SAMMSON: variants seen among roughly 807,000 people sequenced by gnomAD.
SAMMSON encodes long intergenic non-protein coding RNA 1212.
At chr3:70,187,392 A>G (rs1354736975) in intron 4 of SAMMSON, among the ~76,000 whole-genome samples, 4 of 136,790 alleles carry the variant, frequency 2.9e-5, no homozygotes, top group Admixed American at 7.3e-5. Context: ...TGGTGGCCTT[A>G]TGAGACAGAG....
intron 4 of SAMMSON, among the ~76,000 whole-genome samples, chr3:70,135,527 C>G (rs2067502006): frequency 6.6e-6 from 1 of 152,104 alleles, no homozygotes; most frequent in South Asian, 2.1e-4. Context: ...AAAAAACAGA[C>G]AATGGGCATT....
chr3:70,294,657 ATAAAG>A lies in SAMMSON; in HGVS notation n.739+3418_739+3422del, dbSNP rs1036276098. Among the ~76,000 whole-genome samples, 114 of 152,318 alleles carry A rather than the reference ATAAAG, an allele frequency of 7.5e-4. 1 individual carries two copies. The highest frequency in any genetic ancestry group is 2.6e-3 in the African/African-American group (110 of 41,578). The stretch of plus-strand genomic sequence containing the variant: ...ACGTCAACTCAAACAGGCTCAAAAA[ATAAAG>A]TAATTTATGACTCATATATCCATTT... On this transcript the variant is annotated intron_variant and non_coding_transcript_variant, in intron 7 of 9. Coordinates refer to ENST00000642114, the Ensembl canonical transcript of SAMMSON.
chr3:70,163,342 A>AATATATAT (rs143014008), intron 4 of SAMMSON, among the ~76,000 whole-genome samples: 2 of 145,084 alleles, frequency 1.4e-5, no homozygotes, highest in South Asian at 2.2e-4. Context: ...ATCTATATAG[A>AATATATAT]ATATATATAT....
chr3:70,100,455 G>A (rs952988351), intron 4 of SAMMSON, among the ~76,000 whole-genome samples: 52 of 149,784 alleles, frequency 3.5e-4, no homozygotes, highest in Non-Finnish European at 7.1e-4. Flanking sequence ...GCCCATCATA[G>A]TCTTTCAAAC....
At chr3:70,402,210 C>G (rs952231880) in intron 2 of SAMMSON, among the ~76,000 whole-genome samples, 1 of 152,032 alleles carries the variant, frequency 6.6e-6, no homozygotes, top group Non-Finnish European at 1.5e-5. Context: ...TTATTTAATC[C>G]GGAGCAATAG....
chr3:70,323,987 G>A (rs1232293860), intron 7 of SAMMSON, among the ~76,000 whole-genome samples: 2 of 152,030 alleles, frequency 1.3e-5, no homozygotes, highest in African/African-American at 4.8e-5. Context: ...ATTCCAGCCT[G>A]TCCATGCCAT....
chr3:70,282,746 C>T (rs1702101543), intron 6 of SAMMSON, among the ~76,000 whole-genome samples: 1 of 152,172 alleles, frequency 6.6e-6, no homozygotes, highest in Non-Finnish European at 1.5e-5. Flanking sequence ...AGACTTACCA[C>T]AGACTTGTTA....
chr3:70,423,903 G>A (rs1575646492), intron 2 of SAMMSON, among the ~76,000 whole-genome samples: 3 of 152,132 alleles, frequency 2.0e-5, no homozygotes, highest in Admixed American at 6.5e-5. Flanking sequence ...GTGGAGTGTG[G>A]GTCATCGTTT....
chr3:70,210,808 A>T (rs1374272311), intron 4 of SAMMSON, among the ~76,000 whole-genome samples: 5 of 152,138 alleles, frequency 3.3e-5, no homozygotes, highest in South Asian at 4.1e-4. Context: ...TGAATGTTAA[A>T]CAGTTTGGGC....
chr3:70,011,493 T>C (rs1450708672), intron 1 of SAMMSON, among the ~76,000 whole-genome samples: 1 of 152,116 alleles, frequency 6.6e-6, no homozygotes, highest in Non-Finnish European at 1.5e-5. Flanking sequence ...GTATAATTTG[T>C]CTGTAAATTT....
intron 4 of SAMMSON, among the ~76,000 whole-genome samples, chr3:70,133,809 G>A (rs1028713866): frequency 6.6e-6 from 1 of 152,132 alleles, no homozygotes; most frequent in African/African-American, 2.4e-5. Context: ...TCCTTACTCA[G>A]TCATAAATAT....
intron 7 of SAMMSON, among the ~76,000 whole-genome samples, chr3:70,297,968 C>T (rs1259209524): frequency 6.6e-6 from 1 of 151,836 alleles, no homozygotes; most frequent in Non-Finnish European, 1.5e-5. Flanking sequence ...ATTCCTGCTA[C>T]TTAAATAATC....
chr3:70,289,203 G>T (rs1471821986), intron 6 of SAMMSON, among the ~76,000 whole-genome samples: 2 of 150,134 alleles, frequency 1.3e-5, no homozygotes, highest in Non-Finnish European at 3.0e-5. Flanking sequence ...GGTACCGGTT[G>T]TTCCTTTCCA....
intron 4 of SAMMSON, among the ~76,000 whole-genome samples, chr3:70,145,463 T>C (rs892554096): frequency 6.6e-6 from 1 of 152,032 alleles, no homozygotes; most frequent in Non-Finnish European, 1.5e-5. Flanking sequence ...ATAAAACAAA[T>C]CTTAGCACAT....
chr3:70,209,835 C>T (rs913388165), intron 4 of SAMMSON, among the ~76,000 whole-genome samples: 1 of 152,200 alleles, frequency 6.6e-6, no homozygotes, highest in South Asian at 2.1e-4. Flanking sequence ...TACACACTCG[C>T]CTTTCCCTTA....
At chr3:70,015,544 AG>A (rs2066980094) in intron 3 of SAMMSON, among the ~76,000 whole-genome samples, 1 of 152,022 alleles carries the variant, frequency 6.6e-6, no homozygotes, top group Non-Finnish European at 1.5e-5. Flanking sequence ...TCCTGTCATC[AG>A]GTCTTACTTG....
At chr3:70,329,855 T>G (rs562739466) in intron 7 of SAMMSON, among the ~76,000 whole-genome samples, 8 of 151,966 alleles carry the variant, frequency 5.3e-5, no homozygotes, top group Admixed American at 5.2e-4. Flanking sequence ...TAAGCAGAAA[T>G]ATTTTGGTTA....
intron 4 of SAMMSON, among the ~76,000 whole-genome samples, chr3:70,164,741 A>C (rs1173394505): frequency 1.3e-5 from 2 of 152,050 alleles, no homozygotes; most frequent in Non-Finnish European, 2.9e-5. Context: ...AATAGAACCT[A>C]CCACAAAGAA....
intron 4 of SAMMSON, among the ~76,000 whole-genome samples, chr3:70,140,833 T>G (rs2067524812): frequency 6.6e-6 from 1 of 152,172 alleles, no homozygotes; most frequent in African/African-American, 2.4e-5. Context: ...TTCCTCTTCC[T>G]CATTTCCATC....
Sources: allele counts gnomAD v4.1 joint callset (sites outside exome capture counted in the v4.1 genomes callset), GRCh38; gene constraint gnomAD v4.1.1; transcripts MANE v1.5; gene names NCBI Gene and HGNC (gene_info 2026-07-23, HGNC 2026-07-21).